GRM1: variants seen among roughly 807,000 people sequenced by gnomAD.
GRM1 encodes glutamate metabotropic receptor 1, also known as metabotropic glutamate receptor 1.
Under a neutral mutation model 90.9 loss-of-function variants are expected in GRM1, and 33 were observed. The ratio of observed to expected loss-of-function variants is 0.36; its 90% CI spans 0.28 to 0.49. The LOEUF (loss-of-function observed/expected upper bound fraction) is 0.49. Among genes scored for constraint, GRM1 ranks in the 20% least tolerant of loss-of-function variants. The pLI is 0.99. For synonymous variants in GRM1, 700 were observed against 613.2 expected, an observed-to-expected ratio of 1.14 and a Z score of -2.09; for missense variants, 1,190 against 1,534.3, an observed-to-expected ratio of 0.78 and a Z score of 3.75.
chr6:146,056,716 C>T (rs917409789), intron 1 of GRM1, among the ~76,000 whole-genome samples: 1 of 152,150 alleles, frequency 6.6e-6, no homozygotes, highest in African/African-American at 2.4e-5. Flanking sequence ...AGTAACTGAT[C>T]TTCAGTCATT....
chr6:146,249,662 G>A (rs1781202626), intron 2 of GRM1, among the ~76,000 whole-genome samples: 1 of 152,168 alleles, frequency 6.6e-6, no homozygotes, highest in African/African-American at 2.4e-5. Flanking sequence ...CAATATAGAG[G>A]GAAAATGTGG....
chr6:146,289,724 T>C (rs1782908855), intron 2 of GRM1, among the ~76,000 whole-genome samples: 1 of 152,236 alleles, frequency 6.6e-6, no homozygotes, highest in East Asian at 1.9e-4. Flanking sequence ...TTTGTACTTA[T>C]ATTTTCTATG....
chr6:146,252,383 A>G (rs967990919), intron 2 of GRM1, among the ~76,000 whole-genome samples: 2 of 152,174 alleles, frequency 1.3e-5, no homozygotes, highest in African/African-American at 4.8e-5. Flanking sequence ...CACGCCTGTA[A>G]TCCCAGCACT....
At chr6:146,272,420 G>A (rs902442866) in intron 2 of GRM1, among the ~76,000 whole-genome samples, 2 of 152,062 alleles carry the variant, frequency 1.3e-5, no homozygotes, top group African/African-American at 4.8e-5. Flanking sequence ...CTTGAAACTG[G>A]GGACCTTTTA....
At chr6:146,389,219 G>A (rs1776624194) in intron 6 of GRM1, among the ~76,000 whole-genome samples, 1 of 151,968 alleles carries the variant, frequency 6.6e-6, no homozygotes, top group Non-Finnish European at 1.5e-5. Context: ...CTAGGAAAAA[G>A]CTCAAAGACA....
intron 2 of GRM1, among the ~76,000 whole-genome samples, chr6:146,297,075 T>C (rs770680451): frequency 3.3e-5 from 5 of 152,232 alleles, no homozygotes; most frequent in Admixed American, 2.0e-4. Flanking sequence ...TTTTTGTTTC[T>C]TGATTATATT....
intron 1 of GRM1, among the ~76,000 whole-genome samples, chr6:146,097,721 G>A (rs1416705030): frequency 3.9e-5 from 6 of 152,044 alleles, no homozygotes; most frequent in Admixed American, 3.9e-4. Context: ...CTCTGCTATC[G>A]CAGTTTCCTC....
At chr6:146,391,213 A>G (rs931596179) in intron 6 of GRM1, among the ~76,000 whole-genome samples, 2 of 152,072 alleles carry the variant, frequency 1.3e-5, no homozygotes, top group African/African-American at 4.8e-5. Context: ...ACTGGATCTT[A>G]TAAGGATCTT....
At chr6:146,060,662 T>C (rs1003036392) in intron 1 of GRM1, among the ~76,000 whole-genome samples, 1 of 152,166 alleles carries the variant, frequency 6.6e-6, no homozygotes, top group Non-Finnish European at 1.5e-5. Flanking sequence ...GATGGACATA[T>C]AGGTTGGTTC....
chr6:146,210,436 T>A (rs1779651876), intron 2 of GRM1, among the ~76,000 whole-genome samples: 1 of 152,240 alleles, frequency 6.6e-6, no homozygotes, highest in Admixed American at 6.5e-5. Flanking sequence ...TTATGCTTAT[T>A]AAACATTCTA....
At chr6:146,186,989 G>A (rs1449060495) in intron 2 of GRM1, among the ~76,000 whole-genome samples, 1 of 152,000 alleles carries the variant, frequency 6.6e-6, no homozygotes, top group Non-Finnish European at 1.5e-5. Context: ...ACCTTTTATT[G>A]GTCAAAGAAA....
intron 3 of GRM1, among the ~76,000 whole-genome samples, chr6:146,319,614 T>G (rs1387684325): frequency 1.3e-5 from 2 of 152,198 alleles, no homozygotes; most frequent in African/African-American, 4.8e-5. Context: ...GGGATGTTTT[T>G]CTATTTGTGT....
intron 1 of GRM1, among the ~76,000 whole-genome samples, chr6:146,066,348 C>G (rs1375598018): frequency 6.6e-6 from 1 of 152,096 alleles, no homozygotes; most frequent in East Asian, 1.9e-4. Flanking sequence ...TGCGTTAGTT[C>G]ATGTAGGATA....
chr6:146,178,213 A>G (rs929771149), intron 2 of GRM1, among the ~76,000 whole-genome samples: 2 of 152,070 alleles, frequency 1.3e-5, no homozygotes, highest in African/African-American at 4.8e-5. Context: ...TGATGACCTC[A>G]ATAGTTTTGA....
At chr6:146,416,680 G>C (rs1269322804) in intron 7 of GRM1, among the ~76,000 whole-genome samples, 2 of 152,050 alleles carry the variant, frequency 1.3e-5, no homozygotes, top group African/African-American at 4.8e-5. Context: ...ATTTGATGTG[G>C]ACTGTGGTTT....
intron 1 of GRM1, among the ~76,000 whole-genome samples, chr6:146,038,845 T>A (rs368456339): frequency 3.3e-5 from 5 of 151,934 alleles, no homozygotes; most frequent in Non-Finnish European, 7.4e-5. Flanking sequence ...GCTGATAGTA[T>A]GTTCAAGAGA....
chr6:146,072,933 T>G (rs1223255246), intron 1 of GRM1, among the ~76,000 whole-genome samples: 1 of 152,020 alleles, frequency 6.6e-6, no homozygotes, highest in African/African-American at 2.4e-5. Flanking sequence ...AAATTACTAT[T>G]TAGTGGTAAT....
At chr6:146,290,346 A>G (rs562840413) in intron 2 of GRM1, among the ~76,000 whole-genome samples, 1 of 151,616 alleles carries the variant, frequency 6.6e-6, no homozygotes, top group Non-Finnish European at 1.5e-5. Flanking sequence ...ATTTCTTAAC[A>G]ACGTAAAAAA....
intron 2 of GRM1, among the ~76,000 whole-genome samples, chr6:146,181,247 A>G (rs1255805069): frequency 6.6e-6 from 1 of 151,988 alleles, no homozygotes; most frequent in Non-Finnish European, 1.5e-5. Context: ...TTTAAAAAAA[A>G]AACAAAAAAA....
Sources: gnomAD v4.1 joint callset for allele counts (sites outside exome capture counted in the v4.1 genomes callset) on GRCh38, gnomAD v4.1.1 for gene constraint, MANE v1.5 for transcripts, NCBI Gene and HGNC (gene_info 2026-07-23, HGNC 2026-07-21) for gene names.